FSAF1: variants seen among roughly 807,000 people sequenced by gnomAD.
FSAF1 encodes the protein 40S small subunit processome assembly factor 1, also known as uncharacterized protein C1orf131.
the FSAF1 span, chr1:231,238,808 A>T: frequency 6.6e-7 from 1 of 1,508,754 alleles, no homozygotes; most frequent in Non-Finnish European, 9.0e-7. Flanking sequence ...ACCTAATACT[A>T]CAATACCAGG....
At chr1:231,224,298 G>A in the FSAF1 span, 1 of 1,610,924 alleles carries the variant, frequency 6.2e-7, no homozygotes, top group Admixed American at 1.7e-5. Flanking sequence ...CACTCTGGAA[G>A]AATTTATTTT....
the FSAF1 span, among the ~76,000 whole-genome samples, chr1:231,233,622 G>C: frequency 6.6e-6 from 1 of 151,926 alleles, no homozygotes; most frequent in Non-Finnish European, 1.5e-5. Flanking sequence ...GCACAATCTC[G>C]ACTCACTGCA....
chr1:231,238,482 T>C, the FSAF1 span: 10 of 177,576 alleles, frequency 5.6e-5, no homozygotes, highest in Non-Finnish European at 1.2e-4. Flanking sequence ...AAAGTCCTAT[T>C]TTCATGACTG....
At chr1:231,235,761 C>T in the FSAF1 span, among the ~76,000 whole-genome samples, 1 of 152,158 alleles carries the variant, frequency 6.6e-6, no homozygotes, top group South Asian at 2.1e-4. Context: ...TATGATCACA[C>T]CACTGCATTC....
chr1:231,237,417 G>A, the FSAF1 span: 4 of 152,176 alleles, frequency 2.6e-5, no homozygotes, highest in African/African-American at 9.7e-5. Flanking sequence ...GATCTTACTT[G>A]GAGAGGGATC....
the FSAF1 span, among the ~76,000 whole-genome samples, chr1:231,232,784 C>A: frequency 6.6e-6 from 1 of 152,116 alleles, no homozygotes; most frequent in South Asian, 2.1e-4. Flanking sequence ...TTCAGCAAAC[C>A]CGTCTATGGG....
the FSAF1 span, chr1:231,239,074 G>A: frequency 6.2e-7 from 1 of 1,614,210 alleles, no homozygotes; most frequent in Non-Finnish European, 8.5e-7. Context: ...TCTTATGAGA[G>A]AACCAGGTAG....
chr1:231,225,676 C>G, the FSAF1 span: 1 of 709,756 alleles, frequency 1.4e-6, no homozygotes, highest in East Asian at 2.7e-5. Flanking sequence ...AAAGTTTTAC[C>G]CTAAAACCCT....
the FSAF1 span, chr1:231,224,412 T>C: frequency 6.2e-7 from 1 of 1,602,632 alleles, no homozygotes; most frequent in Non-Finnish European, 8.5e-7. Flanking sequence ...CTTTTTGGAT[T>C]TCCTACATTT....
the FSAF1 span, among the ~76,000 whole-genome samples, chr1:231,229,407 A>G: frequency 2.6e-5 from 4 of 152,214 alleles, no homozygotes; most frequent in African/African-American, 9.6e-5. Flanking sequence ...TATTGGTGGG[A>G]ATGTTTTACC....
the FSAF1 span, chr1:231,229,169 T>C: frequency 8.9e-6 from 14 of 1,580,512 alleles, no homozygotes; most frequent in Non-Finnish European, 1.2e-5. Context: ...GTTAAATTCT[T>C]GTGTATCCAC....
At chr1:231,230,077 G>A in the FSAF1 span, among the ~76,000 whole-genome samples, 3 of 152,182 alleles carry the variant, frequency 2.0e-5, no homozygotes, top group African/African-American at 7.2e-5. Flanking sequence ...ATGGCCAACT[G>A]TCAAAAGTAA....
the FSAF1 span, among the ~76,000 whole-genome samples, chr1:231,231,637 T>C: frequency 6.6e-6 from 1 of 152,170 alleles, no homozygotes; most frequent in Non-Finnish European, 1.5e-5. Context: ...GAGATTAGCA[T>C]GAGAATGGAG....
the FSAF1 span, among the ~76,000 whole-genome samples, chr1:231,228,119 T>C: frequency 6.6e-6 from 1 of 152,230 alleles, no homozygotes; most frequent in African/African-American, 2.4e-5. Context: ...TCCATGGTTT[T>C]AGAAGGAAGA....
the FSAF1 span, chr1:231,227,054 C>G: frequency 1.2e-6 from 2 of 1,614,160 alleles, no homozygotes; most frequent in South Asian, 2.2e-5. Context: ...CAAACCGGTG[C>G]ACTTCTAAAC....
chr1:231,239,003 G>A, the FSAF1 span: 1 of 1,614,026 alleles, frequency 6.2e-7, no homozygotes, highest in African/African-American at 1.3e-5. Context: ...GTCCCAGAAG[G>A]AGCACAATGC....
chr1:231,225,376 C>CTAG, the FSAF1 span: 4 of 1,212,766 alleles, frequency 3.3e-6, no homozygotes, highest in Non-Finnish European at 4.9e-6. Context: ...CTCTAATGGG[C>CTAG]TAGCAACACC....
the FSAF1 span, chr1:231,227,188 A>G: frequency 1.0e-5 from 10 of 1,004,668 alleles, no homozygotes; most frequent in African/African-American, 1.4e-4. Flanking sequence ...TACAGGAATA[A>G]TAACTCCACT....
At chr1:231,232,596 TC>T in the FSAF1 span, among the ~76,000 whole-genome samples, 2 of 152,206 alleles carry the variant, frequency 1.3e-5, no homozygotes, top group African/African-American at 2.4e-5. Flanking sequence ...CTATTTGTTA[TC>T]AAATCACAGC....
Sources: gnomAD v4.1 joint callset for allele counts (sites outside exome capture counted in the v4.1 genomes callset) on GRCh38, gnomAD v4.1.1 for gene constraint, MANE v1.5 for transcripts, NCBI Gene and HGNC (gene_info 2026-07-23, HGNC 2026-07-21) for gene names.